KDM4B: variants seen among roughly 807,000 people sequenced by gnomAD.
KDM4B encodes the protein lysine demethylase 4B.
KDM4B carries 32 observed loss-of-function variants against 125.2 expected under a neutral mutation model. The observed-to-expected ratio is 0.26, with a 90% CI of 0.19 to 0.34. The LOEUF (loss-of-function observed/expected upper bound fraction) is 0.34, where lower values mean the gene tolerates loss of function less well. KDM4B is among the 10% of genes least tolerant of loss of function. The pLI is 1.00. For synonymous variants in KDM4B, 721 were observed against 677.9 expected (o/e 1.06, Z -0.99); for missense variants, 1,190 against 1,577.7 (o/e 0.75, Z 4.16).
chr19:5,047,483 C>A lies in KDM4B; in HGVS notation c.440C>A (p.Ala147Asp). Residue 147 changes from alanine (A) to aspartate (D), a missense_variant, in exon 6 of 23, where the codon GCC (alanine) becomes GAC (aspartate). Around this residue, in one of 7 missense-constraint regions of KDM4B, gnomAD observed 139 missense variants for 248.3 expected, o/e 0.56. Coordinates refer to ENST00000159111, the MANE Select transcript of KDM4B (RefSeq NM_015015.3). ...ISGSLYDDDVAQWNIGSLRTI... is the reference protein window; with the variant it reads ...ISGSLYDDDVDQWNIGSLRTI... The stretch of plus-strand genomic sequence containing the variant: ...TGCTCTGCCGCCCCACAGGACGTGG[C>A]CCAGTGGAACATCGGGAGCCTCCGG... 1 of 1,608,118 alleles carries A rather than the reference C, an allele frequency of 6.2e-7. No homozygotes were observed. Among genetic ancestry groups the A allele is most frequent in the Non-Finnish European group, 8.5e-7 (1 of 1,176,526 alleles).
chr19:5,126,818 G>GGCT (rs1363620397), intron 11 of KDM4B, among the ~76,000 whole-genome samples: 4 of 152,238 alleles, frequency 2.6e-5, no homozygotes, highest in Non-Finnish European at 4.4e-5. Context: ...CTGAGACCGG[G>GGCT]GCTGGTTGGC....
At chr19:5,001,206 T>A (rs899911157) in intron 1 of KDM4B, among the ~76,000 whole-genome samples, 5 of 152,040 alleles carry the variant, frequency 3.3e-5, no homozygotes, top group African/African-American at 1.2e-4. Flanking sequence ...CTAATTTTTT[T>A]ATGTTTTTAT....
rs544787675 is a variant in KDM4B, at chr19:5,048,082, C to T, written c.626+413C>T. ...GGCCTGGCCAGGATGACCCTGCAGC[C>T]GCTCCCTCGCAGTCTCCGCCCTGGC... On this transcript the variant is annotated intron_variant, in intron 6 of 22. Transcript: ENST00000159111. Among the ~76,000 whole-genome samples, 340 of 152,338 alleles carry T rather than the reference C, an allele frequency of 2.2e-3. 1 individual carries two copies. The highest frequency in any genetic ancestry group is 0.01 in the Middle Eastern group (3 of 294).
chr19:5,100,722 C>T (rs2038914552), intron 9 of KDM4B, among the ~76,000 whole-genome samples: 1 of 152,114 alleles, frequency 6.6e-6, no homozygotes, highest in African/African-American at 2.4e-5. Flanking sequence ...GCCTCTTTGT[C>T]TTTTTTATTA....
intron 1 of KDM4B, among the ~76,000 whole-genome samples, chr19:4,987,223 G>GTT (rs1225504926): frequency 6.6e-6 from 1 of 152,168 alleles, no homozygotes. Flanking sequence ...CCTTGTAAGA[G>GTT]TTAAAGAAAG....
chr19:5,140,341 C>G (rs1278873743), intron 18 of KDM4B: 1 of 152,522 alleles, frequency 6.6e-6, no homozygotes, highest in African/African-American at 2.4e-5. Flanking sequence ...TGTAGCCCAC[C>G]TGCGCACAAG....
intron 1 of KDM4B, among the ~76,000 whole-genome samples, chr19:5,003,846 A>G (rs73921824): frequency 3.6e-4 from 55 of 151,972 alleles, no homozygotes; most frequent in African/African-American, 1.3e-3. Flanking sequence ...GCCTTGGGGA[A>G]CCCCCTCTGT....
intron 1 of KDM4B, among the ~76,000 whole-genome samples, chr19:5,003,148 T>C (rs780588140): frequency 6.6e-6 from 1 of 152,206 alleles, no homozygotes; most frequent in African/African-American, 2.4e-5. Context: ...GACCTCACTT[T>C]ATTGTTTTCT....
At chr19:5,065,770 C>T (rs1007272710) in intron 6 of KDM4B, among the ~76,000 whole-genome samples, 10 of 152,240 alleles carry the variant, frequency 6.6e-5, no homozygotes, top group Non-Finnish European at 4.4e-5. Flanking sequence ...GCCATCCATC[C>T]CCTCCTCTGC....
intron 1 of KDM4B, among the ~76,000 whole-genome samples, chr19:5,004,111 G>C (rs1160682670): frequency 6.6e-6 from 1 of 152,180 alleles, no homozygotes. Context: ...GCTGGCACTG[G>C]GGACGGCTAG....
chr19:5,110,682 C>T lies in KDM4B; in HGVS notation c.979C>T (p.Pro327Ser). Residue 327 changes from proline (P) to serine (S), a missense_variant, in exon 10 of 23, where the codon CCC (proline) becomes TCC (serine). Physicochemically the swap from Pro to Ser is moderately conservative, Grantham distance 74. Around this residue, in one of 7 missense-constraint regions of KDM4B, gnomAD observed 428 missense variants for 405.1 expected, o/e 1.06. Coordinates refer to ENST00000159111, the MANE Select transcript of KDM4B (RefSeq NM_015015.3). ...SMDVFVRILQ[P>S]ERYELWKQGK... Reference sequence around the variant, plus strand: ...GGACGTGTTCGTGCGCATCCTGCAGCCCGAGCGCTACGAGCTGTGGAAGCA... The same window carrying T: ...GGACGTGTTCGTGCGCATCCTGCAGTCCGAGCGCTACGAGCTGTGGAAGCA... The T allele has an allele frequency of 6.2e-7, 1 of 1,613,040 alleles. No homozygotes were observed. Among genetic ancestry groups the T allele is most frequent in the Non-Finnish European group, 8.5e-7 (1 of 1,179,900 alleles).
chr19:5,051,952 G>C (rs1229432751), intron 6 of KDM4B, among the ~76,000 whole-genome samples: 1 of 152,214 alleles, frequency 6.6e-6, no homozygotes, highest in Non-Finnish European at 1.5e-5. Context: ...AGGTGTGGGA[G>C]GTGGGGGTCT....
chr19:5,081,713 GACT>G lies in KDM4B; in HGVS notation c.781-653_781-651del, dbSNP rs1396321077. 4.6e-5 allele frequency among the ~76,000 whole-genome samples: 7 copies of G among 152,198 alleles called. No homozygotes were observed. The highest frequency in any genetic ancestry group is 1.0e-4 in the Non-Finnish European group (7 of 68,032). On this transcript the variant is annotated intron_variant, in intron 8 of 22. Transcript: ENST00000159111. The surrounding 1 kb of genome is among the most constrained non-coding windows in gnomAD (Gnocchi z 4.2). ...TGTGCAGATATTTCTGGATCTCCAT[GACT>G]TCATGGAGATCCCCTTGTTGAGATA...
At chr19:5,013,558 C>G (rs1178436678) in intron 1 of KDM4B, among the ~76,000 whole-genome samples, 1 of 152,186 alleles carries the variant, frequency 6.6e-6, no homozygotes, top group Non-Finnish European at 1.5e-5. Context: ...GGAGACAGTC[C>G]ATTCCTTTCC....
At chr19:5,019,551 TGC>T (rs2036018958) in intron 2 of KDM4B, among the ~76,000 whole-genome samples, 1 of 147,894 alleles carries the variant, frequency 6.8e-6, no homozygotes. Context: ...GGTGTTGGTG[TGC>T]AGGTATTGGT....
intron 9 of KDM4B, among the ~76,000 whole-genome samples, chr19:5,097,174 C>T (rs1341453758): frequency 1.3e-5 from 2 of 152,192 alleles, no homozygotes; most frequent in African/African-American, 4.8e-5. Context: ...TCTCACCGTA[C>T]ACAGGATTCT....
At chr19:5,038,520 C>A (rs373086390) in intron 3 of KDM4B, among the ~76,000 whole-genome samples, 1 of 152,202 alleles carries the variant, frequency 6.6e-6, no homozygotes, top group Non-Finnish European at 1.5e-5. Flanking sequence ...CACCGGGTTC[C>A]GGCTGCAGTG....
In KDM4B at chr19:5,092,159, AGAGGAGTGGTCTG is replaced by A. The variant is rs140136279; in HGVS notation, c.918+9658_918+9670del. On this transcript the variant is annotated intron_variant, in intron 9 of 22. Coordinates refer to ENST00000159111, the MANE Select transcript of KDM4B (RefSeq NM_015015.3). The stretch of plus-strand genomic sequence containing the variant: ...CTGCATGTCTGGAGGGTGATCTAGG[AGAGGAGTGGTCTG>A]GAAAGAAGGCCTCGTTTAGTCTCTC... Among the ~76,000 whole-genome samples the A allele has an allele frequency of 5.9e-3, 900 of 152,238 alleles. 9 individuals are homozygous for A. The highest frequency in any genetic ancestry group is 0.021 in the African/African-American group (852 of 41,532).
At chr19:5,005,038 G>C (rs987832327) in intron 1 of KDM4B, among the ~76,000 whole-genome samples, 1 of 152,184 alleles carries the variant, frequency 6.6e-6, no homozygotes, top group African/African-American at 2.4e-5. Flanking sequence ...TTCCTTTTCT[G>C]CGCGCTCTGT....
Sources: allele counts gnomAD v4.1 joint callset (sites outside exome capture counted in the v4.1 genomes callset), GRCh38; gene constraint gnomAD v4.1.1; regional missense constraint gnomAD v4.1.1; non-coding constraint Gnocchi (gnomAD v3.1); transcripts MANE v1.5; gene names NCBI Gene and HGNC (gene_info 2026-07-23, HGNC 2026-07-21).